CAMTA1: variants seen among roughly 807,000 people sequenced by gnomAD.
CAMTA1 encodes the protein calmodulin-binding transcription activator 1.
CAMTA1 carries 27 observed loss-of-function variants against 170.9 expected under a neutral mutation model. The observed-to-expected ratio is 0.16, with a 90% CI of 0.12 to 0.22. The LOEUF is 0.22. CAMTA1 is among the 10% of genes least tolerant of loss of function. The probability of loss-of-function intolerance (pLI) is 1.00; values close to 1 mark genes in which losing one functional copy is unlikely to be tolerated. For missense variants in CAMTA1, 1,619 were observed against 2,217.2 expected, an observed-to-expected ratio of 0.73 and a Z score of 5.42; for synonymous variants, 833 against 891.5, an observed-to-expected ratio of 0.93 and a Z score of 1.17.
chr1:7,357,386 C>T (rs1439112087), intron 5 of CAMTA1, among the ~76,000 whole-genome samples: 4 of 152,328 alleles, frequency 2.6e-5, no homozygotes, highest in African/African-American at 9.6e-5. Context: ...TAGGGGGCAG[C>T]GAGGCAGAGG....
intron 6 of CAMTA1, among the ~76,000 whole-genome samples, chr1:7,627,274 A>G (rs1310402026): frequency 1.3e-5 from 2 of 152,226 alleles, no homozygotes; most frequent in Non-Finnish European, 2.9e-5. Flanking sequence ...ATGTTTGAAA[A>G]GAATTTAACT....
chr1:7,659,786 C>T (rs1198997807), intron 7 of CAMTA1, among the ~76,000 whole-genome samples: 1 of 152,240 alleles, frequency 6.6e-6, no homozygotes, highest in East Asian at 1.9e-4. Flanking sequence ...ACCATCATCA[C>T]TAGTGATGTT....
chr1:7,296,271 A>G (rs1673928545), intron 5 of CAMTA1, among the ~76,000 whole-genome samples: 1 of 152,190 alleles, frequency 6.6e-6, no homozygotes, highest in Admixed American at 6.5e-5. Flanking sequence ...AGGCCCAGAG[A>G]GTTAAGTATT....
chr1:6,871,874 T>G, intron 3 of CAMTA1: 1 of 1,453,974 alleles, frequency 6.9e-7, no homozygotes, highest in Non-Finnish European at 9.0e-7. Flanking sequence ...AATTTCATTT[T>G]TTAATTTTGG....
At position 7,144,468 on chromosome 1, in the gene CAMTA1, T is replaced by C. The variant is rs1184081839; in HGVS notation, c.302+53097T>C. Among the ~76,000 whole-genome samples, 1 of 152,150 alleles carries C rather than the reference T, an allele frequency of 6.6e-6. No homozygotes were observed. The highest frequency in any genetic ancestry group is 1.5e-5 in the Non-Finnish European group (1 of 68,028). ...CACTGAGGGTAAGGGCCTGAACATA[T>C]GAATTTTGGGGGACACAATTCAACC... is the stretch of plus-strand genomic sequence containing the variant. On this transcript the variant is annotated intron_variant, in intron 4 of 22. Coordinates refer to ENST00000303635, the MANE Select transcript of CAMTA1 (RefSeq NM_015215.4). This position sits in a 1 kb window ranked among gnomAD's most constrained non-coding sequence, Gnocchi z 4.0.
intron 6 of CAMTA1, among the ~76,000 whole-genome samples, chr1:7,555,253 C>T (rs560974271): frequency 2.6e-5 from 4 of 152,234 alleles, no homozygotes; most frequent in South Asian, 4.1e-4. Context: ...CAGAAAGCTC[C>T]GCGAAAAGGA....
intron 5 of CAMTA1, among the ~76,000 whole-genome samples, chr1:7,254,758 G>T (rs1667112490): frequency 6.6e-6 from 1 of 152,222 alleles, no homozygotes; most frequent in Non-Finnish European, 1.5e-5. Context: ...CTGCCCTGTG[G>T]CAATGCCAGA....
chr1:7,576,721 G>T (rs2095198134), intron 6 of CAMTA1, among the ~76,000 whole-genome samples: 1 of 152,172 alleles, frequency 6.6e-6, no homozygotes, highest in Non-Finnish European at 1.5e-5. Context: ...GCCACACGGT[G>T]GAGAGTGATG....
chr1:7,057,219 G>C (rs1443738239), intron 3 of CAMTA1, among the ~76,000 whole-genome samples: 1 of 152,210 alleles, frequency 6.6e-6, no homozygotes, highest in Non-Finnish European at 1.5e-5. Context: ...CCTATCTCCA[G>C]TTTTGCCTTT....
In CAMTA1 at chr1:7,248,613, G is replaced by A. The variant is rs1039182776; in HGVS notation, c.303-878G>A. The stretch of plus-strand genomic sequence containing the variant: ...AGCACTTGCCCTCAGCTGCTAGAGG[G>A]GTTTAGTTCTTTCTCTCCTTGGGGT... On this transcript the variant is annotated intron_variant, in intron 4 of 22. Transcript: ENST00000303635. The surrounding 1 kb of genome is among the most constrained non-coding windows in gnomAD (Gnocchi z 4.0). Among the ~76,000 whole-genome samples the A allele has an allele frequency of 3.3e-5, 5 of 152,024 alleles. No homozygotes were observed. Among genetic ancestry groups the A allele is most frequent in the African/African-American group, 1.2e-4 (5 of 41,368 alleles).
intron 5 of CAMTA1, among the ~76,000 whole-genome samples, chr1:7,270,662 A>C (rs1024472806): frequency 6.6e-6 from 1 of 152,160 alleles, no homozygotes; most frequent in African/African-American, 2.4e-5. Flanking sequence ...ATTCCTATTT[A>C]CATAAAGGAA....
chr1:6,926,492 CTCTCT>C (rs1307002053), intron 3 of CAMTA1, among the ~76,000 whole-genome samples: 5 of 140,380 alleles, frequency 3.6e-5, no homozygotes, highest in Non-Finnish European at 6.2e-5. Context: ...TTCTTTCTCT[CTCTCT>C]TTTCTTCCTT....
intron 5 of CAMTA1, among the ~76,000 whole-genome samples, chr1:7,305,846 G>T (rs1386040165): frequency 1.3e-5 from 2 of 151,888 alleles, no homozygotes; most frequent in Non-Finnish European, 2.9e-5. Context: ...TTGTTTTTTG[G>T]CTATTTTAAT....
At chr1:6,993,127 G>C (rs1014199230) in intron 3 of CAMTA1, among the ~76,000 whole-genome samples, 1 of 151,966 alleles carries the variant, frequency 6.6e-6, no homozygotes, top group African/African-American at 2.4e-5. Flanking sequence ...TTGATTATTG[G>C]AGCTTTATAA....
intron 8 of CAMTA1, among the ~76,000 whole-genome samples, chr1:7,662,123 C>T (rs2149140045): frequency 6.6e-6 from 1 of 152,322 alleles, no homozygotes; most frequent in Non-Finnish European, 1.5e-5. Flanking sequence ...CTCCGTGGGG[C>T]AAGAACTGGG....
chr1:7,262,235 G>A (rs556367711), intron 5 of CAMTA1, among the ~76,000 whole-genome samples: 1 of 152,224 alleles, frequency 6.6e-6, no homozygotes, highest in South Asian at 2.1e-4. Context: ...GCTGCTGACT[G>A]CTCATTCTTT....
intron 3 of CAMTA1, among the ~76,000 whole-genome samples, chr1:7,033,084 G>A (rs954921630): frequency 6.6e-6 from 1 of 152,146 alleles, no homozygotes; most frequent in Non-Finnish European, 1.5e-5. Flanking sequence ...ACTTGGATAT[G>A]TGGATTTATA....
chr1:7,361,319 G>C (rs965498958), intron 5 of CAMTA1, among the ~76,000 whole-genome samples: 1 of 152,166 alleles, frequency 6.6e-6, no homozygotes, highest in Non-Finnish European at 1.5e-5. Flanking sequence ...TGGTCAATGC[G>C]AACAGGACAG....
intron 4 of CAMTA1, among the ~76,000 whole-genome samples, chr1:7,179,089 C>A (rs1486811390): frequency 2.0e-5 from 3 of 152,184 alleles, no homozygotes. Context: ...ATCTCTGTGC[C>A]CCTCTGTGGT....
Sources: gnomAD v4.1 joint callset for allele counts (sites outside exome capture counted in the v4.1 genomes callset) on GRCh38, gnomAD v4.1.1 for gene constraint, Gnocchi (gnomAD v3.1) non-coding constraint, MANE v1.5 for transcripts, NCBI Gene and HGNC (gene_info 2026-07-23, HGNC 2026-07-21) for gene names.